The following DIAPH3 variants were observed in gnomAD, a reference collection of about 807,000 sequenced individuals.
DIAPH3 encodes diaphanous related formin 3.
A neutral mutation model predicts 144.3 loss-of-function variants in DIAPH3; 117 were observed. The observed-to-expected ratio is 0.81, with a 90% CI of 0.70 to 0.95. The LOEUF is 0.95. Among genes scored for constraint, DIAPH3 ranks in the 40% least tolerant of loss-of-function variants. The pLI, the probability that DIAPH3 is intolerant of heterozygous loss-of-function variation, is 0.00. For synonymous variants in DIAPH3, 519 were observed against 488.9 expected (o/e 1.06, Z -0.81); for missense variants, 1,421 against 1,412.7 (o/e 1.01, Z -0.09).
intron 20 of DIAPH3, among the ~76,000 whole-genome samples, chr13:59,880,224 A>G (rs1028306733): frequency 4.6e-5 from 7 of 152,186 alleles, no homozygotes; most frequent in African/African-American, 1.4e-4. Flanking sequence ...CTCCTGTGTT[A>G]TATCAACACA....
chr13:59,801,242 CT>C (rs977593136), intron 25 of DIAPH3, among the ~76,000 whole-genome samples: 12 of 152,262 alleles, frequency 7.9e-5, no homozygotes, highest in African/African-American at 2.2e-4. Context: ...AGCAAACAAT[CT>C]TCTTGACTTT....
At chr13:59,933,877 GA>G (rs2048141659) in intron 17 of DIAPH3, among the ~76,000 whole-genome samples, 1 of 152,046 alleles carries the variant, frequency 6.6e-6, no homozygotes, top group South Asian at 2.1e-4. Context: ...ATTATGTAAA[GA>G]ATATCATTTC....
chr13:60,107,927 C>T (rs571280390), intron 3 of DIAPH3, among the ~76,000 whole-genome samples: 5 of 152,126 alleles, frequency 3.3e-5, no homozygotes, highest in South Asian at 2.1e-4. Context: ...TTCTCTCAAC[C>T]GATAGTGAAA....
At chr13:59,909,141 CATT>C (rs2046873337) in intron 20 of DIAPH3, among the ~76,000 whole-genome samples, 1 of 152,072 alleles carries the variant, frequency 6.6e-6, no homozygotes. Flanking sequence ...AAAAATGAAA[CATT>C]ATTATGGAAG....
At chr13:59,994,530 T>C (rs950244528) in intron 9 of DIAPH3, among the ~76,000 whole-genome samples, 3 of 152,032 alleles carry the variant, frequency 2.0e-5, no homozygotes, top group Admixed American at 6.6e-5. Flanking sequence ...CCAATGAAGA[T>C]ATATCAGTAA....
rs955589088 is a variant in DIAPH3 at position 59,811,003 on chromosome 13, C to T, written c.3028-80G>A. ...GGAAAGTTATCTATTTGAAAATATG[C>T]TTAAGGTAGAAACATGATTATCTTT... On this transcript the variant is annotated intron_variant, in intron 24 of 27. Coordinates refer to ENST00000400324, the MANE Select transcript of DIAPH3 (RefSeq NM_001042517.2). 3.1e-4 allele frequency: 397 copies of T among 1,294,876 alleles called. 1 individual carries two copies. The highest frequency in any genetic ancestry group is 3.8e-4 in the Non-Finnish European group (351 of 925,044). 80.2% of individuals were successfully genotyped at this position (1,294,876 alleles called of 1,614,324 possible).
At chr13:59,925,373 T>C (rs2047703877) in intron 17 of DIAPH3, among the ~76,000 whole-genome samples, 1 of 152,200 alleles carries the variant, frequency 6.6e-6, no homozygotes, top group African/African-American at 2.4e-5. Context: ...ATCGTGAATG[T>C]TGAATCATCT....
intron 27 of DIAPH3, among the ~76,000 whole-genome samples, chr13:59,697,573 C>G (rs1016008840): frequency 6.8e-6 from 1 of 146,982 alleles, no homozygotes; most frequent in Non-Finnish European, 1.5e-5. Context: ...AATAAATACA[C>G]TCTATGTGGA....
At chr13:59,745,502 A>G (rs755032310) in intron 27 of DIAPH3, among the ~76,000 whole-genome samples, 3 of 152,208 alleles carry the variant, frequency 2.0e-5, no homozygotes, top group Non-Finnish European at 4.4e-5. Flanking sequence ...AGTGTTTGTA[A>G]TAGAGATATT....
At chr13:60,001,640 T>C (rs1350544943) in intron 9 of DIAPH3, among the ~76,000 whole-genome samples, 1 of 152,222 alleles carries the variant, frequency 6.6e-6, no homozygotes, top group Non-Finnish European at 1.5e-5. Flanking sequence ...CATGTACACC[T>C]TTCAAGACTA....
chr13:60,030,836 G>A (rs2054731733), intron 5 of DIAPH3, among the ~76,000 whole-genome samples: 1 of 152,092 alleles, frequency 6.6e-6, no homozygotes, highest in Non-Finnish European at 1.5e-5. Context: ...AGCCACATGT[G>A]GTAAGTAGCT....
chr13:59,696,046 T>C (rs769230066), intron 27 of DIAPH3: 1 of 152,188 alleles, frequency 6.6e-6, no homozygotes, highest in Non-Finnish European at 1.5e-5. Context: ...AATGAAAGGA[T>C]TGAAAGGTTG....
intron 14 of DIAPH3, among the ~76,000 whole-genome samples, chr13:59,977,938 C>T (rs2050767575): frequency 6.6e-6 from 1 of 151,742 alleles, no homozygotes; most frequent in South Asian, 2.1e-4. Context: ...ATGCATCCTT[C>T]TTGGCTATCT....
chr13:59,786,571 T>A (rs949858347), intron 25 of DIAPH3, among the ~76,000 whole-genome samples: 1 of 152,190 alleles, frequency 6.6e-6, no homozygotes, highest in South Asian at 2.1e-4. Flanking sequence ...AAAGTTACAA[T>A]CATTTTTGGA....
At chr13:59,809,835 C>T (rs1431643816) in intron 25 of DIAPH3, among the ~76,000 whole-genome samples, 2 of 152,048 alleles carry the variant, frequency 1.3e-5, no homozygotes, top group Non-Finnish European at 2.9e-5. Context: ...CCTGGGGAAA[C>T]CTTAGGTGAA....
chr13:59,806,556 G>A (rs2040202496), intron 25 of DIAPH3, among the ~76,000 whole-genome samples: 1 of 151,820 alleles, frequency 6.6e-6, no homozygotes, highest in Non-Finnish European at 1.5e-5. Flanking sequence ...ACTACCACCA[G>A]CCTAAGCAGT....
At chr13:59,790,344 T>A (rs1446674349) in intron 25 of DIAPH3, among the ~76,000 whole-genome samples, 1 of 152,204 alleles carries the variant, frequency 6.6e-6, no homozygotes, top group African/African-American at 2.4e-5. Flanking sequence ...CATATAGATA[T>A]CACAGTAAAC....
At chr13:59,755,116 T>C (rs1025140452) in intron 27 of DIAPH3, among the ~76,000 whole-genome samples, 7 of 152,216 alleles carry the variant, frequency 4.6e-5, no homozygotes, top group Non-Finnish European at 7.4e-5. Flanking sequence ...TTATGTTATA[T>C]ACATATTCTC....
intron 17 of DIAPH3, among the ~76,000 whole-genome samples, chr13:59,950,246 T>C (rs571349024): frequency 6.6e-6 from 1 of 152,262 alleles, no homozygotes; most frequent in South Asian, 2.1e-4. Context: ...CCAGTGACAT[T>C]GTCCCATATA....
Sources: allele counts gnomAD v4.1 joint callset (sites outside exome capture counted in the v4.1 genomes callset), GRCh38; gene constraint gnomAD v4.1.1; transcripts MANE v1.5; gene names NCBI Gene and HGNC (gene_info 2026-07-23, HGNC 2026-07-21).